Variants in ANKFN1 observed in about 807,000 individuals in gnomAD.
ANKFN1 encodes the protein ankyrin repeat and fibronectin type-III domain-containing protein 1.
In ANKFN1, 74 loss-of-function variants were observed where a neutral mutation model predicts 108.7. The observed-to-expected ratio is 0.68, with a 90% CI of 0.56 to 0.83. The LOEUF (loss-of-function observed/expected upper bound fraction) is 0.83. ANKFN1 is among the 40% of genes least tolerant of loss of function. The pLI, the probability that ANKFN1 is intolerant of heterozygous loss-of-function variation, is 0.00. For synonymous variants in ANKFN1, 547 were observed against 516.2 expected (o/e 1.06, Z -0.81); for missense variants, 1,505 against 1,382.3 (o/e 1.09, Z -1.41).
intron 4 of ANKFN1, among the ~76,000 whole-genome samples, chr17:56,073,817 T>A (rs1055973806): frequency 2.0e-5 from 3 of 152,242 alleles, no homozygotes; most frequent in African/African-American, 7.2e-5. Context: ...GTAAGTTTCA[T>A]CCACTTCCAG....
intron 2 of ANKFN1, among the ~76,000 whole-genome samples, chr17:56,222,482 A>G (rs1915956794): frequency 6.6e-6 from 1 of 152,216 alleles, no homozygotes; most frequent in Non-Finnish European, 1.5e-5. Context: ...AAAGAACAAC[A>G]CAATCAGAAC....
chr17:56,216,813 C>T (rs1915459226), intron 2 of ANKFN1, among the ~76,000 whole-genome samples: 1 of 152,196 alleles, frequency 6.6e-6, no homozygotes, highest in Non-Finnish European at 1.5e-5. Context: ...CCCAGATCAG[C>T]CTAAAGGGCC....
chr17:56,446,127 T>A (rs2145186639), intron 10 of ANKFN1, among the ~76,000 whole-genome samples: 1 of 152,338 alleles, frequency 6.6e-6, no homozygotes, highest in East Asian at 1.9e-4. Flanking sequence ...CAATTTAGCA[T>A]TAGCAATTTT....
intron 3 of ANKFN1, among the ~76,000 whole-genome samples, chr17:56,307,610 A>G (rs2044870890): frequency 6.6e-6 from 1 of 152,180 alleles, no homozygotes; most frequent in South Asian, 2.1e-4. Flanking sequence ...AGAAATAGGA[A>G]CACTTTTACA....
chr17:56,078,256 T>C (rs945767124), intron 4 of ANKFN1, among the ~76,000 whole-genome samples: 3 of 152,180 alleles, frequency 2.0e-5, no homozygotes, highest in Non-Finnish European at 4.4e-5. Flanking sequence ...CTCCATCATT[T>C]TCCTTTCTGG....
intron 1 of ANKFN1, among the ~76,000 whole-genome samples, chr17:56,210,049 G>GATAGATACATAC (rs1914854521): frequency 2.8e-5 from 4 of 144,132 alleles, no homozygotes; most frequent in African/African-American, 1.0e-4. Context: ...ATTATAGATA[G>GATAGATACATAC]ATAGATAGAT....
intron 10 of ANKFN1, among the ~76,000 whole-genome samples, chr17:56,448,378 G>A (rs2049365320): frequency 6.6e-6 from 1 of 152,120 alleles, no homozygotes; most frequent in African/African-American, 2.4e-5. Context: ...TAGCTAAACG[G>A]AATGAAAATA....
At chr17:56,194,881 A>G (rs1379182902) in intron 1 of ANKFN1, among the ~76,000 whole-genome samples, 2 of 152,154 alleles carry the variant, frequency 1.3e-5, no homozygotes, top group Admixed American at 1.3e-4. Context: ...ATCTAAAACT[A>G]CTCTAAAAGA....
At chr17:56,194,743 T>A (rs1913341620) in intron 1 of ANKFN1, among the ~76,000 whole-genome samples, 1 of 152,192 alleles carries the variant, frequency 6.6e-6, no homozygotes, top group Non-Finnish European at 1.5e-5. Flanking sequence ...CTGTAAACTT[T>A]GGGTGATAAT....
At chr17:56,470,076 G>A (rs186771098) in intron 15 of ANKFN1, among the ~76,000 whole-genome samples, 161 of 152,256 alleles carry the variant, frequency 1.1e-3, no homozygotes, top group East Asian at 5.2e-3. Context: ...GCTGAGGATA[G>A]TAGCTTCCAG....
At chr17:56,127,120 G>GT (rs1211884045) in intron 4 of ANKFN1, among the ~76,000 whole-genome samples, 1 of 152,164 alleles carries the variant, frequency 6.6e-6, no homozygotes, top group Non-Finnish European at 1.5e-5. Context: ...ACCATTAGAA[G>GT]TGAGGGCTAA....
chr17:56,065,895 G>A (rs913382243), intron 4 of ANKFN1, among the ~76,000 whole-genome samples: 1 of 152,134 alleles, frequency 6.6e-6, no homozygotes, highest in Non-Finnish European at 1.5e-5. Context: ...TTAAAAAATG[G>A]CCCCAATAGA....
chr17:56,489,436 A>G (rs2145408130), intron 18 of ANKFN1, among the ~76,000 whole-genome samples: 1 of 139,816 alleles, frequency 7.2e-6, no homozygotes, highest in African/African-American at 2.6e-5. Flanking sequence ...AAGTAACATT[A>G]AAGGGTCTGG....
rs114083493 is a variant in ANKFN1, at chr17:56,449,206, C to T, written c.1207+20C>T. On this transcript the variant is annotated intron_variant, in intron 11 of 20. Coordinates refer to ENST00000682825, the MANE Select transcript of ANKFN1 (RefSeq NM_001370326.1). ...GCCGGGGTAAGGATAAAAATCTGTG[C>T]TGGGCCATCAACTGAGGTCTCGGTG... 1.4e-3 allele frequency: 2,291 copies of T among 1,604,496 alleles called. 31 individuals are homozygous for T. The African/African-American group carries it at 0.028, about 20-fold the overall frequency.
intron 8 of ANKFN1, among the ~76,000 whole-genome samples, chr17:56,399,645 C>G (rs574062641): frequency 6.6e-6 from 1 of 151,942 alleles, no homozygotes; most frequent in Admixed American, 6.6e-5. Context: ...CTCTTCTCCC[C>G]AAGTCCCCAA....
chr17:56,358,880 A>G (rs906288119), intron 6 of ANKFN1, among the ~76,000 whole-genome samples: 1 of 152,138 alleles, frequency 6.6e-6, no homozygotes, highest in African/African-American at 2.4e-5. Context: ...GCCCCCAGTC[A>G]TAAACCCCTC....
intron 3 of ANKFN1, among the ~76,000 whole-genome samples, chr17:56,305,273 T>G (rs969246260): frequency 4.6e-5 from 7 of 152,172 alleles, no homozygotes; most frequent in Non-Finnish European, 8.8e-5. Flanking sequence ...CCATGACACA[T>G]GGTGATTATG....
At chr17:56,340,997 TCTC>T (rs1162284984) in intron 4 of ANKFN1, among the ~76,000 whole-genome samples, 2 of 152,062 alleles carry the variant, frequency 1.3e-5, no homozygotes, top group African/African-American at 4.8e-5. Flanking sequence ...TGGTTTTAGT[TCTC>T]CTTGTAGAGA....
intron 6 of ANKFN1, among the ~76,000 whole-genome samples, chr17:56,357,734 A>T (rs766964084): frequency 6.6e-5 from 10 of 152,178 alleles, no homozygotes; most frequent in Non-Finnish European, 1.5e-4. Flanking sequence ...CCAGAACCAG[A>T]TAAGCAAACA....
Sources: allele counts gnomAD v4.1 joint callset (sites outside exome capture counted in the v4.1 genomes callset), GRCh38; gene constraint gnomAD v4.1.1; transcripts MANE v1.5; gene names NCBI Gene and HGNC (gene_info 2026-07-23, HGNC 2026-07-21).